Variants in TNRC6C observed in about 807,000 individuals in gnomAD.
TNRC6C encodes trinucleotide repeat containing adaptor 6C, also known as trinucleotide repeat-containing gene 6C protein.
Under a neutral mutation model 153.7 loss-of-function variants are expected in TNRC6C, and 20 were observed. That is an observed-to-expected ratio of 0.13 (90% CI 0.09 to 0.19). TNRC6C has a LOEUF of 0.19. Ranked by LOEUF, TNRC6C falls within the 10% of genes least tolerant of loss-of-function variation. The pLI, the probability that TNRC6C is intolerant of heterozygous loss-of-function variation, is 1.00. For missense variants in TNRC6C, 1,987 were observed against 2,172.0 expected, an observed-to-expected ratio of 0.91 and a Z score of 1.69; for synonymous variants, 811 against 841.4, an observed-to-expected ratio of 0.96 and a Z score of 0.63.
At chr17:77,992,840 G>T (rs2071272630) in intron 1 of TNRC6C, among the ~76,000 whole-genome samples, 1 of 152,234 alleles carries the variant, frequency 6.6e-6, no homozygotes, top group African/African-American at 2.4e-5. Flanking sequence ...GTAAAGGACA[G>T]AGAGAGGAAT....
intron 3 of TNRC6C, among the ~76,000 whole-genome samples, chr17:78,057,118 G>T (rs527439220): frequency 6.6e-6 from 1 of 152,024 alleles, no homozygotes; most frequent in South Asian, 2.1e-4. Flanking sequence ...CCATGTGGAA[G>T]TGTGCTCACA....
rs774674655 is a variant in TNRC6C, at chr17:78,049,174, G to C, written c.112G>C (p.Gly38Arg). 1 of 1,613,112 alleles carries C rather than the reference G, an allele frequency of 6.2e-7. No homozygotes were observed. The highest frequency in any genetic ancestry group is 2.2e-5 in the East Asian group (1 of 44,888). Residue 38 changes from glycine to arginine, a missense_variant, in exon 3 of 20, where the codon GGA (glycine) becomes CGA (arginine). Coordinates refer to ENST00000301624, the Ensembl canonical transcript of TNRC6C. This position sits in a 1 kb window ranked among gnomAD's most constrained non-coding sequence, Gnocchi z 4.1. ...AAGCCCTTCTAATCAGAGTGCCCTTGGAGCAGGGGGAGCGAACAGTAATGG... is the reference window on the plus strand; with the variant it reads ...AAGCCCTTCTAATCAGAGTGCCCTTCGAGCAGGGGGAGCGAACAGTAATGG...
chr17:77,988,777 G>C (rs890556827), intron 1 of TNRC6C, among the ~76,000 whole-genome samples: 3 of 152,154 alleles, frequency 2.0e-5, no homozygotes, highest in African/African-American at 7.2e-5. Flanking sequence ...AGTTAGTGGG[G>C]AAAATAACAT....
At chr17:78,011,340 C>A (rs748475474) in intron 1 of TNRC6C, among the ~76,000 whole-genome samples, 1 of 152,142 alleles carries the variant, frequency 6.6e-6, no homozygotes, top group Admixed American at 6.5e-5. Flanking sequence ...CTCCTCTGTC[C>A]CCACCCTACC....
intron 1 of TNRC6C, among the ~76,000 whole-genome samples, chr17:77,998,783 C>T (rs888863802): frequency 5.3e-5 from 8 of 152,196 alleles, no homozygotes; most frequent in African/African-American, 1.9e-4. Flanking sequence ...TGTTGTCTTT[C>T]GCCCTGACAG....
chr17:78,093,726 C>G (rs1459982946), exon 16 of TNRC6C: 1 of 1,613,994 alleles, frequency 6.2e-7, no homozygotes, highest in South Asian at 1.1e-5. Context: ...TCAACACCAC[C>G]ATCCAGGATG....
intron 1 of TNRC6C, among the ~76,000 whole-genome samples, chr17:77,961,993 G>C (rs969185203): frequency 1.3e-5 from 2 of 152,136 alleles, no homozygotes; most frequent in Non-Finnish European, 2.9e-5. Context: ...CCTTAATGAA[G>C]GGAGTTTCCA....
chr17:78,032,240 C>A (rs1220808906), intron 2 of TNRC6C, among the ~76,000 whole-genome samples: 1 of 152,206 alleles, frequency 6.6e-6, no homozygotes, highest in Admixed American at 6.5e-5. Flanking sequence ...GGTACAGATC[C>A]TTCCACTAGG....
intron 1 of TNRC6C, among the ~76,000 whole-genome samples, chr17:78,014,148 C>T (rs2071686943): frequency 6.6e-6 from 1 of 152,134 alleles, no homozygotes; most frequent in Non-Finnish European, 1.5e-5. Context: ...GACATAATTC[C>T]ACTTAAATCT....
chr17:78,098,774 A>T (rs1016653830), intron 17 of TNRC6C, among the ~76,000 whole-genome samples: 1 of 152,172 alleles, frequency 6.6e-6, no homozygotes, highest in Non-Finnish European at 1.5e-5. Context: ...CTGGGCCAAG[A>T]GGTCCCAGGC....
intron 1 of TNRC6C, among the ~76,000 whole-genome samples, chr17:78,028,536 A>G (rs2071991474): frequency 6.6e-6 from 1 of 152,168 alleles, no homozygotes; most frequent in Non-Finnish European, 1.5e-5. Flanking sequence ...GCCAGGCACT[A>G]GTGACAGATA....
upstream of TNRC6C, among the ~76,000 whole-genome samples, chr17:77,958,460 G>C (rs2070829206): frequency 6.6e-6 from 1 of 151,936 alleles, no homozygotes; most frequent in Non-Finnish European, 1.5e-5. Flanking sequence ...ACCACAGCGC[G>C]GGCGGGTATT....
intron 11 of TNRC6C, among the ~76,000 whole-genome samples, chr17:78,084,900 G>A (rs2073252401): frequency 6.6e-6 from 1 of 152,162 alleles, no homozygotes. Context: ...CCAAAGTGCT[G>A]GGATTACAGG....
At chr17:77,982,648 A>G (rs893907748) in intron 1 of TNRC6C, among the ~76,000 whole-genome samples, 9 of 152,320 alleles carry the variant, frequency 5.9e-5, no homozygotes, top group South Asian at 4.1e-4. Context: ...CCTGGCCAAC[A>G]TGGTGAAACC....
intron 10 of TNRC6C, among the ~76,000 whole-genome samples, chr17:78,081,411 T>C (rs148014653): frequency 3.7e-4 from 57 of 152,214 alleles, no homozygotes; most frequent in African/African-American, 1.3e-3. Context: ...TGCACTGAGT[T>C]GATAGTGCAC....
chr17:78,042,127 A>G (rs1444663826), intron 2 of TNRC6C, among the ~76,000 whole-genome samples: 1 of 152,190 alleles, frequency 6.6e-6, no homozygotes, highest in Non-Finnish European at 1.5e-5. Flanking sequence ...ATCCTTTTTA[A>G]TTTAATCACT....
intron 2 of TNRC6C, among the ~76,000 whole-genome samples, chr17:78,040,255 G>A (rs1485882492): frequency 6.6e-6 from 1 of 152,224 alleles, no homozygotes; most frequent in Admixed American, 6.5e-5. Flanking sequence ...ACCTGATCAT[G>A]TCAGGTTCAG....
At chr17:78,098,002 G>T in intron 16 of TNRC6C, 141 bp downstream of exon 19, 1 of 776,386 alleles carries the variant, frequency 1.3e-6, no homozygotes, top group Non-Finnish European at 2.0e-6. Flanking sequence ...AGGATGGGTG[G>T]GGGCCTTGCC....
chr17:78,016,314 A>G lies in TNRC6C; in HGVS notation c.-546+11235A>G, dbSNP rs193193634. 1.4e-3 allele frequency among the ~76,000 whole-genome samples: 213 copies of G among 152,342 alleles called. 1 individual carries two copies. Among genetic ancestry groups the G allele is most frequent in the African/African-American group, 4.3e-3 (178 of 41,584 alleles). ...TCCAGTACTGTGCTTACAGGCACCC[A>G]CAGCCAGTACCTGCCAGGTCACATG... On this transcript the variant is annotated intron_variant, in intron 1 of 19. Transcript: ENST00000301624.
Sources: allele counts gnomAD v4.1 joint callset (sites outside exome capture counted in the v4.1 genomes callset), GRCh38; gene constraint gnomAD v4.1.1; non-coding constraint Gnocchi (gnomAD v3.1); transcripts MANE v1.5; gene names NCBI Gene and HGNC (gene_info 2026-07-23, HGNC 2026-07-21).